RSBN1: variants seen among roughly 807,000 people sequenced by gnomAD.
The protein encoded by RSBN1 is round spermatid basic protein 1.
A neutral mutation model predicts 74.8 loss-of-function variants in RSBN1; 23 were observed. The ratio of observed to expected loss-of-function variants is 0.31; its 90% confidence interval spans 0.22 to 0.44. The LOEUF (loss-of-function observed/expected upper bound fraction) is 0.44. RSBN1 is among the 20% of genes least tolerant of loss of function. RSBN1 has a pLI of 1.00. For synonymous variants in RSBN1, 407 were observed against 379.6 expected (o/e 1.07, Z -0.84); for missense variants, 808 against 1,020.9 (o/e 0.79, Z 2.84).
At chr1:113,791,021 T>G (rs1187897425) in intron 2 of RSBN1, among the ~76,000 whole-genome samples, 1 of 152,148 alleles carries the variant, frequency 6.6e-6, no homozygotes, top group Non-Finnish European at 1.5e-5. Flanking sequence ...ATTCTACAGC[T>G]TTCCGGAGTT....
chr1:113,791,970 C>A (rs891617575), intron 2 of RSBN1, among the ~76,000 whole-genome samples: 7 of 152,174 alleles, frequency 4.6e-5, no homozygotes, highest in Admixed American at 4.6e-4. Flanking sequence ...CTTGTCCCAA[C>A]ACACAACGAG....
At chr1:113,778,285 A>G (rs1660070062) in intron 2 of RSBN1, among the ~76,000 whole-genome samples, 1 of 150,384 alleles carries the variant, frequency 6.6e-6, no homozygotes, top group East Asian at 2.0e-4. Flanking sequence ...AAGACAGGCC[A>G]ATCTTTTTTT....
Position 113,767,051 on chromosome 1 carries a change from G to T in RSBN1, c.1935+48C>A, listed in dbSNP as rs369248279. On this transcript the variant is annotated intron_variant, in intron 6 of 6. Coordinates refer to ENST00000261441, the MANE Select transcript of RSBN1 (RefSeq NM_018364.5). ...TAAAATTCAAAATAAAATGGGTATAGATATTTACTTCTAATATCGCAAATG... is the reference window on the plus strand; with the variant it reads ...TAAAATTCAAAATAAAATGGGTATATATATTTACTTCTAATATCGCAAATG... 3 of 1,051,274 alleles carry T rather than the reference G, an allele frequency of 2.9e-6. No homozygotes were observed. The Admixed American group carries it at 6.6e-5, about 23-fold the overall frequency. The allele number at this position is 1,051,274 out of a possible 1,614,324, so 65.1% of individuals were successfully genotyped here. A position where few individuals can be genotyped will look rare whatever the true frequency, so the allele number is the denominator to read the frequency against.
At chr1:113,802,110 A>G (rs2101823268) in intron 1 of RSBN1, among the ~76,000 whole-genome samples, 1 of 152,214 alleles carries the variant, frequency 6.6e-6, no homozygotes, top group African/African-American at 2.4e-5. Flanking sequence ...GCACATCACC[A>G]TGCCCAGCTA....
intron 1 of RSBN1, among the ~76,000 whole-genome samples, chr1:113,804,584 T>G (rs1406268580): frequency 6.6e-6 from 1 of 152,226 alleles, no homozygotes; most frequent in African/African-American, 2.4e-5. Flanking sequence ...TTAATGGACC[T>G]GAGGTAGCTT....
chr1:113,778,071 A>C (rs892471284), intron 2 of RSBN1, among the ~76,000 whole-genome samples: 1 of 152,212 alleles, frequency 6.6e-6, no homozygotes, highest in Non-Finnish European at 1.5e-5. Flanking sequence ...TTAATACTTA[A>C]ACTTCTCTAA....
At chr1:113,767,425 G>A (rs140495633) in intron 5 of RSBN1, among the ~76,000 whole-genome samples, 124 of 151,994 alleles carry the variant, frequency 8.2e-4, no homozygotes, top group Middle Eastern at 3.4e-3. Context: ...AACAAAAATG[G>A]CTAAAAAGAA....
chr1:113,792,032 C>T (rs746208888), intron 2 of RSBN1, among the ~76,000 whole-genome samples: 34 of 152,078 alleles, frequency 2.2e-4, no homozygotes, highest in Admixed American at 5.9e-4. Context: ...AAATTATACA[C>T]GCCAATGCTA....
intron 1 of RSBN1, among the ~76,000 whole-genome samples, chr1:113,799,926 C>T (rs995700203): frequency 2.0e-5 from 3 of 152,030 alleles, no homozygotes; most frequent in Non-Finnish European, 4.4e-5. Context: ...AATTTACCCA[C>T]CAAACAATCG....
rs1373960471 is a variant in RSBN1, at chr1:113,764,206, A to G, written c.*1774T>C. The G allele has an allele frequency of 1.3e-5, 2 of 152,758 alleles. No homozygotes were observed. Among genetic ancestry groups the G allele is most frequent in the African/African-American group, 4.8e-5 (2 of 41,456 alleles). The allele number at this position is 152,758 out of a possible 1,614,324, so 9.5% of individuals were successfully genotyped here. A position where few individuals can be genotyped will look rare whatever the true frequency, so the allele number is the denominator to read the frequency against. The stretch of plus-strand genomic sequence containing the variant: ...CCTAGAATTTATACCCAAGATTTAA[A>G]AACACCCCTGCAATAATCACATTAC... On this transcript the variant is annotated 3_prime_UTR_variant, in exon 7 of 7. Transcript: ENST00000261441.
intron 2 of RSBN1, among the ~76,000 whole-genome samples, chr1:113,785,134 TTAC>T: frequency 6.6e-6 from 1 of 152,180 alleles, no homozygotes; most frequent in East Asian, 1.9e-4. Context: ...ACTTTTTTTT[TTAC>T]TTTTTTTAAA....
In RSBN1 at chr1:113,762,578, C is replaced by T. The variant is rs978792793; in HGVS notation, c.*3402G>A. The T allele has an allele frequency of 3.3e-5, 5 of 152,630 alleles. No individual in the cohort carries two copies. Among genetic ancestry groups the T allele is most frequent in the Non-Finnish European group, 7.4e-5 (5 of 67,988 alleles). The allele number at this position is 152,630 out of a possible 1,614,324, so 9.5% of individuals were successfully genotyped here. A position where few individuals can be genotyped will look rare whatever the true frequency, so the allele number is the denominator to read the frequency against. On this transcript the variant is annotated 3_prime_UTR_variant, in exon 7 of 7. Coordinates refer to ENST00000261441, the MANE Select transcript of RSBN1 (RefSeq NM_018364.5). ...ACAGATTAGAAAGATACAAAATTAT[C>T]CTAAAGGCATAAATGCAAATAAATT...
At chr1:113,790,566 A>C (rs916251384) in intron 2 of RSBN1, among the ~76,000 whole-genome samples, 2 of 152,206 alleles carry the variant, frequency 1.3e-5, no homozygotes, top group African/African-American at 4.8e-5. Context: ...CAAAGAAAAG[A>C]AGTAGGCTTC....
intron 1 of RSBN1, among the ~76,000 whole-genome samples, chr1:113,801,963 CTT>C (rs575070721): frequency 1.4e-5 from 2 of 144,396 alleles, no homozygotes; most frequent in Non-Finnish European, 1.5e-5. Context: ...TTATTAAGTT[CTT>C]TTTTTTTTTT....
rs1397789044 is a variant in RSBN1, at chr1:113,777,326, A to G, written c.1542T>C (p.Ser514=). 3 of 1,611,882 alleles carry G rather than the reference A, an allele frequency of 1.9e-6. No homozygotes were observed. The highest frequency in any genetic ancestry group is 1.6e-4 in the Middle Eastern group (1 of 6,076). Residue 514 remains serine (S), a synonymous_variant, in exon 4 of 7, where the codon TCT becomes TCC. Transcript: ENST00000261441. ...LKMTLPWGTL[S]SLRLQCRSQS... The stretch of plus-strand genomic sequence containing the variant: ...GGGACCTACACTGGAGTCGGAGGCT[A>G]GAAAGTGTACCCCAGGGCAAAGTCA...
chr1:113,802,333 T>C (rs1042440243), intron 1 of RSBN1, among the ~76,000 whole-genome samples: 1 of 151,602 alleles, frequency 6.6e-6, no homozygotes, highest in Non-Finnish European at 1.5e-5. Context: ...AAAAAGGTAG[T>C]ATCTTCAGTT....
intron 2 of RSBN1, among the ~76,000 whole-genome samples, chr1:113,787,725 C>T (rs1481042172): frequency 6.6e-6 from 1 of 152,180 alleles, no homozygotes; most frequent in South Asian, 2.1e-4. Context: ...GTAACCTACT[C>T]CATCCCCTGA....
chr1:113,812,211 GCTC>G lies in RSBN1; in HGVS notation c.199_201del (p.Glu67del). 6.2e-7 allele frequency: 1 copy of G among 1,607,334 alleles called. No individual in the cohort carries two copies. Among genetic ancestry groups the G allele is most frequent in the African/African-American group, 1.3e-5 (1 of 74,970 alleles). The stretch of plus-strand genomic sequence containing the variant: ...GGTTTCTCCTTCCCCTCTTTGTCCG[GCTC>G]CTCCTGCGCCGCCACCGCCCGTACT... On this transcript the variant is annotated inframe_deletion, in exon 1 of 7. Transcript: ENST00000261441.
chr1:113,777,482 T>C (rs1270481576), intron 3 of RSBN1, 130 bp from the exon 4 acceptor site: 1 of 934,902 alleles, frequency 1.1e-6, no homozygotes, highest in Non-Finnish European at 1.5e-6. Flanking sequence ...GCTATTTACA[T>C]AGTAATTTAT....
Sources: allele counts gnomAD v4.1 joint callset (sites outside exome capture counted in the v4.1 genomes callset), GRCh38; gene constraint gnomAD v4.1.1; transcripts MANE v1.5; gene names NCBI Gene and HGNC (gene_info 2026-07-23, HGNC 2026-07-21).